Variants in MED16 observed in about 807,000 individuals in gnomAD.
The protein encoded by MED16 is mediator complex subunit 16, also known as mediator of RNA polymerase II transcription subunit 16.
A neutral mutation model predicts 84.4 loss-of-function variants in MED16; 81 were observed. The observed-to-expected ratio is 0.96, with a 90% CI of 0.80 to 1.15. The LOEUF is 1.15. Ranked by LOEUF, MED16 falls within the 50% of genes most tolerant of loss-of-function variation. MED16 has a pLI of 0.00. For synonymous variants in MED16, 897 were observed against 552.2 expected, an observed-to-expected ratio of 1.62 and a Z score of -8.76; for missense variants, 1,585 against 1,245.9, an observed-to-expected ratio of 1.27 and a Z score of -4.10.
At chr19:874,300 G>A (rs1225672106) in intron 10 of MED16, among the ~76,000 whole-genome samples, 1 of 152,086 alleles carries the variant, frequency 6.6e-6, no homozygotes, top group Non-Finnish European at 1.5e-5. Context: ...TTTTAGTAGA[G>A]ACGGGGTTTC....
intron 13 of MED16, among the ~76,000 whole-genome samples, chr19:870,637 C>T (rs1300355476): frequency 6.6e-6 from 1 of 150,830 alleles, no homozygotes; most frequent in Non-Finnish European, 1.5e-5. Context: ...GTTCGTGACA[C>T]AGCAGAAGAC....
chr19:889,928 A>G (rs1207468663), intron 3 of MED16, 121 bp from the exon 4 acceptor site: 20 of 1,225,880 alleles, frequency 1.6e-5, no homozygotes, highest in Non-Finnish European at 1.7e-5. Flanking sequence ...GGTAGGGCAC[A>G]GCAGGTGGCA....
At chr19:879,687 C>T (rs2036368072) in intron 8 of MED16, among the ~76,000 whole-genome samples, 1 of 51,076 alleles carries the variant, frequency 2.0e-5, no homozygotes, top group Non-Finnish European at 4.3e-5. Context: ...CCCAGCCCCA[C>T]GTGCCCCAGC....
chr19:890,825 C>T (rs1599347559), intron 2 of MED16, 138 bp downstream of exon 2: 1 of 944,294 alleles, frequency 1.1e-6, no homozygotes, highest in Non-Finnish European at 1.5e-6. Context: ...GGCTCTCACA[C>T]AAGTTACAGA....
chr19:891,730 G>C (rs1375502072), intron 1 of MED16, among the ~76,000 whole-genome samples: 2 of 111,760 alleles, frequency 1.8e-5, no homozygotes, highest in African/African-American at 8.5e-5. Flanking sequence ...TGTGGCCGAG[G>C]CGGGGCTGAC....
intron 6 of MED16, among the ~76,000 whole-genome samples, chr19:883,730 G>C (rs906423037): frequency 3.9e-5 from 6 of 152,132 alleles, no homozygotes; most frequent in African/African-American, 1.4e-4. Context: ...TGCCCAGCGG[G>C]GGCACCGGGC....
chr19:878,172 C>T (rs370208041), intron 8 of MED16, among the ~76,000 whole-genome samples: 4 of 100,664 alleles, frequency 4.0e-5, no homozygotes, highest in East Asian at 6.3e-4. Context: ...GTTGTCAATG[C>T]CCACCGAGCC....
chr19:892,150 G>A (rs1002485324), intron 1 of MED16, among the ~76,000 whole-genome samples: 5 of 152,042 alleles, frequency 3.3e-5, no homozygotes, highest in African/African-American at 1.2e-4. Flanking sequence ...GTTTCGCTTC[G>A]CAAAGGCAAA....
At chr19:884,539 CCT>C (rs2036486461) in intron 6 of MED16, among the ~76,000 whole-genome samples, 1 of 152,106 alleles carries the variant, frequency 6.6e-6, no homozygotes, top group Admixed American at 6.5e-5. Flanking sequence ...TGGCCTGTCC[CCT>C]GCTGCCCGAC....
intron 4 of MED16, among the ~76,000 whole-genome samples, chr19:887,133 G>A (rs1030401610): frequency 6.6e-6 from 1 of 151,854 alleles, no homozygotes; most frequent in Non-Finnish European, 1.5e-5. Flanking sequence ...GAAAAAATGC[G>A]AGGAAGAGAA....
intron 4 of MED16, among the ~76,000 whole-genome samples, chr19:889,090 C>CA: frequency 7.2e-6 from 1 of 138,484 alleles, no homozygotes; most frequent in Non-Finnish European, 1.6e-5. Context: ...TAACTGTCCC[C>CA]AACCCTGGCC....
Position 868,861 on chromosome 19 carries a change from A to C in MED16, c.2399+2T>G. The stretch of plus-strand genomic sequence containing the variant: ...GAGTCAGCGGTTCCGGGGGCCCCTC[A>C]CCTGGTGCAGGCCTTGCATTCCTCC... On this transcript the variant is annotated splice_donor_variant, in intron 14 of 15. Transcript: ENST00000325464. LOFTEE classifies it high-confidence loss of function. 3.9e-6 allele frequency: 6 copies of C among 1,547,464 alleles called. No homozygotes were observed. The highest frequency in any genetic ancestry group is 5.2e-6 in the Non-Finnish European group (6 of 1,148,312).
intron 13 of MED16, 83 bp from the exon 14 acceptor site, chr19:869,029 G>C: frequency 8.0e-7 from 1 of 1,257,006 alleles, no homozygotes; most frequent in Non-Finnish European, 1.1e-6. Context: ...ACAGGCGGGG[G>C]TGGAGGGAAT....
intron 10 of MED16, among the ~76,000 whole-genome samples, 197 bp downstream of exon 10, chr19:875,047 C>G (rs1303753012): frequency 2.0e-5 from 3 of 152,144 alleles, no homozygotes; most frequent in Non-Finnish European, 4.4e-5. Flanking sequence ...GCCTGTAATC[C>G]CAGCTACTTG....
chr19:889,890 G>A (rs2145256653), intron 3 of MED16, 83 bp from the exon 4 acceptor site: 2 of 1,476,498 alleles, frequency 1.4e-6, no homozygotes, highest in Admixed American at 2.1e-5. Context: ...CCTGGGGGAA[G>A]CCAGCCCAGT....
At chr19:879,512 C>T (rs1258737490) in intron 8 of MED16, among the ~76,000 whole-genome samples, 1 of 132,682 alleles carries the variant, frequency 7.5e-6, no homozygotes, top group African/African-American at 2.9e-5. Flanking sequence ...CAGCAGCTCG[C>T]CTTTCCCTGG....
At chr19:870,147 G>A (rs779017470) in intron 13 of MED16, among the ~76,000 whole-genome samples, 64 of 152,222 alleles carry the variant, frequency 4.2e-4, no homozygotes, top group Admixed American at 2.2e-3. Flanking sequence ...CATATGCTAA[G>A]GCGTCTCTCT....
At chr19:875,175 A>G (rs766968268) in intron 10 of MED16, 69 bp downstream of exon 10, 13 of 1,126,828 alleles carry the variant, frequency 1.2e-5, no homozygotes, top group Admixed American at 5.5e-5. Context: ...AAAGAGTAAA[A>G]AAAATAAATA....
At position 878,432 on chromosome 19, in the gene MED16, A is replaced by AGCCCCG. The variant is rs1346022248; in HGVS notation, c.1354-1258_1354-1253dup. Among the ~76,000 whole-genome samples the AGCCCCG allele has an allele frequency of 6.0e-3, 68 of 11,250 alleles. 2 individuals carry two copies. Among genetic ancestry groups the AGCCCCG allele is most frequent in the East Asian group, 0.01 (2 of 198 alleles). 7.4% of individuals were successfully genotyped at this position (11,250 alleles called of 152,430 possible). On this transcript the variant is annotated intron_variant, in intron 8 of 15. Transcript: ENST00000325464. ...CTGGTTGTCAATGTCCACCAGCCCC[A>AGCCCCG]GCCCCGGCCCCGGCCCCGGCCCCAC...
Sources: allele counts gnomAD v4.1 joint callset (sites outside exome capture counted in the v4.1 genomes callset), GRCh38; gene constraint gnomAD v4.1.1; transcripts MANE v1.5; gene names NCBI Gene and HGNC (gene_info 2026-07-23, HGNC 2026-07-21).